FUT8: variants seen among roughly 807,000 people sequenced by gnomAD.
The protein encoded by FUT8 is alpha-(1,6)-fucosyltransferase.
Under a neutral mutation model 71.3 loss-of-function variants are expected in FUT8, and 29 were observed. The observed-to-expected ratio is 0.41, with a 90% CI of 0.30 to 0.55. The LOEUF (loss-of-function observed/expected upper bound fraction) is 0.55. Among genes scored for constraint, FUT8 ranks in the 20% least tolerant of loss-of-function variants. The pLI, the probability that FUT8 is intolerant of heterozygous loss-of-function variation, is 0.34. For synonymous variants in FUT8, 254 were observed against 239.3 expected, an observed-to-expected ratio of 1.06 and a Z score of -0.57; for missense variants, 544 against 702.1, an observed-to-expected ratio of 0.77 and a Z score of 2.55.
At chr14:65,476,785 G>A (rs1297839647) in intron 2 of FUT8, among the ~76,000 whole-genome samples, 1 of 151,760 alleles carries the variant, frequency 6.6e-6, no homozygotes, top group Non-Finnish European at 1.5e-5. Context: ...GATAGTGGAA[G>A]TCTCTGCCCA....
intron 6 of FUT8, among the ~76,000 whole-genome samples, chr14:65,668,117 ACT>A (rs1156745922): frequency 6.6e-6 from 1 of 152,084 alleles, no homozygotes; most frequent in Non-Finnish European, 1.5e-5. Context: ...AACCATAAAA[ACT>A]CTAGAAGAAA....
chr14:65,425,199 C>G (rs1223795875), intron 1 of FUT8, among the ~76,000 whole-genome samples: 2 of 150,006 alleles, frequency 1.3e-5, no homozygotes, highest in Non-Finnish European at 3.0e-5. Context: ...GAGTTTCACT[C>G]TTGTTGCCCA....
At position 65,723,702 on chromosome 14, in the gene FUT8, G is replaced by A. The variant is rs191899266; in HGVS notation, c.1083-445G>A. Reference sequence around the variant, plus strand: ...TGACTCTCCAGGGTAAAATAAAGAGGAAAACCCTTGGTATCAGAACTTTAC... The same window carrying A: ...TGACTCTCCAGGGTAAAATAAAGAGAAAAACCCTTGGTATCAGAACTTTAC... On this transcript the variant is annotated intron_variant, in intron 8 of 10. Transcript: ENST00000673929. Among the ~76,000 whole-genome samples the A allele has an allele frequency of 3.9e-5, 6 of 152,240 alleles. No individual in the cohort carries two copies. In the East Asian group the frequency reaches 1.2e-3, roughly 29 times the overall value.
intron 2 of FUT8, among the ~76,000 whole-genome samples, chr14:65,546,908 T>A (rs1419639725): frequency 6.6e-6 from 1 of 151,760 alleles, no homozygotes; most frequent in Non-Finnish European, 1.5e-5. Flanking sequence ...CTTTAAGTTT[T>A]TAAGTCATTA....
rs201599941 is a variant in FUT8, at chr14:65,702,745, G to GT, written c.836-19017dup. ...GTTACATAGGGTAGAAATTTTTGTGGTTTTTTTTTTTTTAAACAGAGTTTT... is the reference window on the plus strand; with the variant it reads ...GTTACATAGGGTAGAAATTTTTGTGGTTTTTTTTTTTTTTAAACAGAGTTTT... On this transcript the variant is annotated intron_variant, in intron 7 of 10. Coordinates refer to ENST00000673929, the MANE Select transcript of FUT8 (RefSeq NM_001371533.1). 0.01 allele frequency among the ~76,000 whole-genome samples: 1,479 copies of GT among 144,928 alleles called. 46 individuals carry two copies. The East Asian group carries it at 0.11, about 11-fold the overall frequency.
chr14:65,684,269 T>A lies in FUT8; in HGVS notation c.835+14789T>A, dbSNP rs907021054. 2.6e-5 allele frequency among the ~76,000 whole-genome samples: 4 copies of A among 152,182 alleles called. No homozygotes were observed. The East Asian group carries it at 7.7e-4, about 29-fold the overall frequency. On this transcript the variant is annotated intron_variant, in intron 7 of 10. Coordinates refer to ENST00000673929, the MANE Select transcript of FUT8 (RefSeq NM_001371533.1). ...GAGTGAAAACAGGAGTAACCACAGA[T>A]GCATAAAAAAACACATCTGTAAATT...
At chr14:65,424,539 C>CT (rs796843891) in intron 1 of FUT8, among the ~76,000 whole-genome samples, 11,216 of 125,486 alleles carry the variant, frequency 0.089, 1,014 homozygotes, top group African/African-American at 0.23. Context: ...CTTTTCTTTT[C>CT]TTTTTTTTTT....
intron 2 of FUT8, among the ~76,000 whole-genome samples, chr14:65,527,129 G>T (rs1883536139): frequency 6.6e-6 from 1 of 152,172 alleles, no homozygotes; most frequent in Non-Finnish European, 1.5e-5. Context: ...GGTTGGGGAA[G>T]TTCTCCTGGA....
chr14:65,691,927 T>C (rs897930082), intron 7 of FUT8, among the ~76,000 whole-genome samples: 2 of 152,222 alleles, frequency 1.3e-5, no homozygotes, highest in Non-Finnish European at 2.9e-5. Flanking sequence ...GGTAAGGTCA[T>C]AGATCAACAG....
chr14:65,535,992 G>C (rs1207276981), intron 2 of FUT8, among the ~76,000 whole-genome samples: 3 of 152,188 alleles, frequency 2.0e-5, no homozygotes, highest in African/African-American at 7.2e-5. Flanking sequence ...ATTTAGGATA[G>C]TTAGGTCTTC....
chr14:65,512,649 G>A (rs190667524), intron 2 of FUT8, among the ~76,000 whole-genome samples: 2 of 152,174 alleles, frequency 1.3e-5, no homozygotes, highest in African/African-American at 4.8e-5. Context: ...GGTGGCTCAT[G>A]CCTGTAATCC....
At chr14:65,663,507 T>G (rs1892068444) in intron 6 of FUT8, among the ~76,000 whole-genome samples, 1 of 152,160 alleles carries the variant, frequency 6.6e-6, no homozygotes, top group Non-Finnish European at 1.5e-5. Flanking sequence ...TTCCAGACTT[T>G]TAAGTATTAT....
intron 2 of FUT8, among the ~76,000 whole-genome samples, chr14:65,523,994 T>G (rs1203132406): frequency 3.3e-5 from 5 of 152,128 alleles, no homozygotes; most frequent in East Asian, 3.9e-4. Flanking sequence ...TATAGTTTGA[T>G]GTCAGGTAGT....
intron 3 of FUT8, among the ~76,000 whole-genome samples, chr14:65,576,696 CTTTTTTTTTTT>C (rs376473739): frequency 1.1e-4 from 11 of 96,210 alleles, no homozygotes; most frequent in African/African-American, 5.0e-4. Flanking sequence ...GCCCAGCTTG[CTTTTTTTTTTT>C]TTTTTTTTTT....
chr14:65,580,181 C>T lies in FUT8; in HGVS notation c.203+18415C>T, dbSNP rs540514950. Among the ~76,000 whole-genome samples the T allele has an allele frequency of 1.7e-4, 26 of 150,826 alleles. No homozygotes were observed. In the South Asian group the frequency reaches 2.5e-3, roughly 15 times the overall value. The stretch of plus-strand genomic sequence containing the variant: ...GTATGAACATCATAGAGTATACTTA[C>T]ATCATAGAGTGTAGTAGGCTAGTGT... On this transcript the variant is annotated intron_variant, in intron 3 of 10. Transcript: ENST00000673929.
intron 3 of FUT8, among the ~76,000 whole-genome samples, chr14:65,602,343 TCACA>T (rs1163052408): frequency 0.083 from 3,975 of 48,166 alleles, 98 homozygotes; most frequent in Middle Eastern, 0.12. Context: ...GTTCCATCTC[TCACA>T]CACACACACA....
At chr14:65,463,263 ATCTT>A (rs1377838838) in intron 2 of FUT8, among the ~76,000 whole-genome samples, 1 of 152,110 alleles carries the variant, frequency 6.6e-6, no homozygotes, top group Non-Finnish European at 1.5e-5. Context: ...AGAATTTTTT[ATCTT>A]TCTTTATTAA....
intron 1 of FUT8, among the ~76,000 whole-genome samples, chr14:65,421,950 G>T (rs1318262060): frequency 2.6e-5 from 4 of 151,920 alleles, no homozygotes; most frequent in Admixed American, 2.0e-4. Context: ...TTTCAGGATG[G>T]TTTCTTTATT....
intron 2 of FUT8, among the ~76,000 whole-genome samples, chr14:65,527,339 C>T (rs1360939005): frequency 1.3e-5 from 2 of 152,210 alleles, no homozygotes; most frequent in African/African-American, 2.4e-5. Flanking sequence ...GATACCCTTT[C>T]TTCCAGTTGA....
Sources: gnomAD v4.1 joint callset for allele counts (sites outside exome capture counted in the v4.1 genomes callset) on GRCh38, gnomAD v4.1.1 for gene constraint, MANE v1.5 for transcripts, NCBI Gene and HGNC (gene_info 2026-07-23, HGNC 2026-07-21) for gene names.